Variants in CR2 observed in about 807,000 individuals in gnomAD.
CR2 encodes the protein complement C3d receptor 2, also known as complement receptor type 2.
In CR2, 96 loss-of-function variants were observed where a neutral mutation model predicts 123.0. That is an observed-to-expected ratio of 0.78 (90% CI 0.66 to 0.93). CR2 has a LOEUF of 0.93. Among genes scored for constraint, CR2 ranks in the 40% least tolerant of loss-of-function variants. The pLI is 0.00. For synonymous variants in CR2, 484 were observed against 469.5 expected, an observed-to-expected ratio of 1.03 and a Z score of -0.40; for missense variants, 1,258 against 1,361.0, an observed-to-expected ratio of 0.92 and a Z score of 1.19.
At chr1:207,480,261 A>G (rs1007548713) in intron 18 of CR2, among the ~76,000 whole-genome samples, 4 of 152,226 alleles carry the variant, frequency 2.6e-5, no homozygotes, top group African/African-American at 9.6e-5. Context: ...AATGATGTTT[A>G]TTCAGATAGT....
At chr1:207,465,662 C>T (rs755703820) in intron 1 of CR2, among the ~76,000 whole-genome samples, 1 of 152,342 alleles carries the variant, frequency 6.6e-6, no homozygotes, top group Admixed American at 6.5e-5. Context: ...AAGACCTCCT[C>T]TTGGAGCCAA....
chr1:207,474,781 T>G, intron 13 of CR2, 43 bp from the exon 14 acceptor site: 2 of 1,606,886 alleles, frequency 1.2e-6, no homozygotes, highest in South Asian at 1.1e-5. Flanking sequence ...CCGCTCACCT[T>G]GAGGTACTAG....
intron 9 of CR2, 72 bp from the exon 10 acceptor site, chr1:207,472,700 C>T: frequency 6.7e-7 from 1 of 1,495,942 alleles, no homozygotes. Context: ...TAACCAGCTT[C>T]ATTTGGTGGT....
intron 14 of CR2, 151 bp downstream of exon 14, chr1:207,475,367 C>T: frequency 1.2e-6 from 1 of 804,284 alleles, no homozygotes; most frequent in Non-Finnish European, 1.9e-6. Context: ...TTCCTATCTT[C>T]TCACTTGATT....
rs1054274103 is a variant in CR2, at chr1:207,467,446, T to C, written c.445+534T>C. 4.6e-5 allele frequency among the ~76,000 whole-genome samples: 7 copies of C among 152,168 alleles called. No individual in the cohort carries two copies. The South Asian group carries it at 8.3e-4, about 18-fold the overall frequency. Reference sequence around the variant, plus strand: ...CATTTCAAATAAATGCCTTTGAAAATAGGGACCTACTGTAAATTATTCATT... The same window carrying C: ...CATTTCAAATAAATGCCTTTGAAAACAGGGACCTACTGTAAATTATTCATT... On this transcript the variant is annotated intron_variant, in intron 2 of 19. Transcript: ENST00000367057.
In CR2 at chr1:207,479,975, T is replaced by C. The variant is rs1244643941; in HGVS notation, c.3113-3T>C. ...TTTGATACTTGCTGGATTTTTCTTC[T>C]AGGTATTGCTGCAGGTTTGATACTT... is the stretch of plus-strand genomic sequence containing the variant. On this transcript the variant is annotated splice_polypyrimidine_tract_variant and splice_region_variant and intron_variant, in intron 17 of 19. Transcript: ENST00000367057. 6.2e-7 allele frequency: 1 copy of C among 1,611,090 alleles called. No individual in the cohort carries two copies. Among genetic ancestry groups the C allele is most frequent in the Non-Finnish European group, 8.5e-7 (1 of 1,177,430 alleles).
intron 18 of CR2, among the ~76,000 whole-genome samples, chr1:207,482,546 T>C (rs763094588): frequency 2.6e-5 from 4 of 152,174 alleles, no homozygotes; most frequent in Non-Finnish European, 5.9e-5. Context: ...CTTAGCACTA[T>C]ACTAGGCTAG....
At chr1:207,483,227 C>T (rs984582959) in intron 18 of CR2, among the ~76,000 whole-genome samples, 2 of 152,272 alleles carry the variant, frequency 1.3e-5, no homozygotes. Flanking sequence ...ATTTCTTTCA[C>T]GTGCCAAGTC....
intron 8 of CR2, 105 bp downstream of exon 8, chr1:207,471,192 A>G: frequency 8.5e-7 from 1 of 1,175,694 alleles, no homozygotes; most frequent in Non-Finnish European, 1.3e-6. Context: ...TCTATGTAAG[A>G]GTTTGTCTCA....
rs929917513 is a variant in CR2 at position 207,472,871 on chromosome 1, A to T, written c.1670A>T (p.Asn557Ile). 6.2e-7 allele frequency: 1 copy of T among 1,613,990 alleles called. No individual in the cohort carries two copies. Among genetic ancestry groups the T allele is most frequent in the Non-Finnish European group, 8.5e-7 (1 of 1,179,944 alleles). ...GGAACCACGGTCACTTACACATGTAACCCTGGGCCAGAAAGAGGAGTGGAA... is the reference window on the plus strand; with the variant it reads ...GGAACCACGGTCACTTACACATGTATCCCTGGGCCAGAAAGAGGAGTGGAA... Reference protein sequence around the residue: ...PYGTTVTYTCNPGPERGVEFS... With the variant: ...PYGTTVTYTCIPGPERGVEFS... The change falls in exon 10 of 20, where the codon AAC (asparagine) becomes ATC (isoleucine). Residue 557 changes from asparagine (N) to isoleucine (I), a missense_variant. Physicochemically the swap from Asn to Ile is moderately radical, Grantham distance 149. Transcript: ENST00000367057.
Position 207,472,800 on chromosome 1 carries a change from C to A in CR2, c.1599C>A (p.Ile533=). 1 of 1,613,912 alleles carries A rather than the reference C, an allele frequency of 6.2e-7. No individual in the cohort carries two copies. The highest frequency in any genetic ancestry group is 8.5e-7 in the Non-Finnish European group (1 of 1,179,884). ...KEITCPPPPV[I]YNGAHTGSSL... ...TCACCTGCCCACCACCCCCTGTTAT[C>A]TACAATGGGGCACACACCGGGAGTT... The change falls in exon 10 of 20, where the codon ATC becomes ATA. Residue 533 remains isoleucine (I), a synonymous_variant. Coordinates refer to ENST00000367057, the MANE Select transcript of CR2 (RefSeq NM_001006658.3).
rs1174225722 is a variant in CR2, at chr1:207,456,370, T to C, written c.58+1894T>C. On this transcript the variant is annotated intron_variant, in intron 1 of 19. Coordinates refer to ENST00000367057, the MANE Select transcript of CR2 (RefSeq NM_001006658.3). ...GTGCTTAATAAAATACTAAAGTACC[T>C]TTATAAAATGTAGGTTCCTGGTTCC... Among the ~76,000 whole-genome samples the C allele has an allele frequency of 2.6e-5, 4 of 152,206 alleles. No homozygotes were observed. In the East Asian group the frequency reaches 7.7e-4, roughly 29 times the overall value.
At chr1:207,487,047 C>T (rs1008276301) in intron 19 of CR2, among the ~76,000 whole-genome samples, 1 of 152,096 alleles carries the variant, frequency 6.6e-6, no homozygotes, top group African/African-American at 2.4e-5. Flanking sequence ...GTGAAAGAGG[C>T]TAGCAAAAAG....
chr1:207,474,351 A>C (rs969955825), intron 13 of CR2, 28 bp downstream of exon 13: 2 of 1,500,338 alleles, frequency 1.3e-6, no homozygotes, highest in Non-Finnish European at 1.9e-6. Context: ...AAAGCCTGAC[A>C]ATGGTAATGG....
intron 14 of CR2, 32 bp downstream of exon 14, chr1:207,475,248 T>C (rs1425301791): frequency 6.2e-7 from 1 of 1,611,738 alleles, no homozygotes; most frequent in Non-Finnish European, 8.5e-7. Flanking sequence ...AGTTATGGGA[T>C]GTTGTACAGA....
At chr1:207,468,439 G>A in intron 2 of CR2, 88 bp from the exon 3 acceptor site, 3 of 1,366,134 alleles carry the variant, frequency 2.2e-6, no homozygotes, top group Non-Finnish European at 3.1e-6. Context: ...TGTTGCCCAG[G>A]GAAGCCAAAA....
chr1:207,473,647 A>G lies in CR2; in HGVS notation c.2081A>G (p.Tyr694Cys), dbSNP rs748373018. Reference protein sequence around the residue: ...MTVDYTCDPGYLLVGNKSIHC... With the variant: ...MTVDYTCDPGCLLVGNKSIHC... ...GTAGACTACACTTGTGACCCTGGCT[A>G]TTTGCTTGTGGGAAACAAATCCATT... The change falls in exon 11 of 20, where the codon TAT becomes TGT. Residue 694 changes from tyrosine to cysteine, a missense_variant. Tyr to Cys is a radical substitution (Grantham distance 194). Transcript: ENST00000367057. 2.5e-6 allele frequency: 4 copies of G among 1,613,948 alleles called. No homozygotes were observed. Among genetic ancestry groups the G allele is most frequent in the Admixed American group, 3.3e-5 (2 of 59,992 alleles).
chr1:207,484,100 A>G (rs1658681517), intron 18 of CR2, among the ~76,000 whole-genome samples: 1 of 152,246 alleles, frequency 6.6e-6, no homozygotes, highest in African/African-American at 2.4e-5. Flanking sequence ...ATGTAAATAC[A>G]TAGAAAATAC....
At chr1:207,479,144 A>C (rs1420149173) in intron 16 of CR2, 113 bp from the exon 17 acceptor site, 6 of 857,360 alleles carry the variant, frequency 7.0e-6, no homozygotes, top group Non-Finnish European at 1.0e-5. Flanking sequence ...TTTTAAATCG[A>C]CTTGGAAGGG....
Sources: gnomAD v4.1 joint callset for allele counts (sites outside exome capture counted in the v4.1 genomes callset) on GRCh38, gnomAD v4.1.1 for gene constraint, MANE v1.5 for transcripts, NCBI Gene and HGNC (gene_info 2026-07-23, HGNC 2026-07-21) for gene names.